Variants in SUPT3H observed in about 807,000 individuals in gnomAD.
SUPT3H encodes the protein transcription initiation protein SPT3 homolog.
Under a neutral mutation model 44.3 loss-of-function variants are expected in SUPT3H, and 44 were observed. That is an observed-to-expected ratio of 0.99 (90% CI 0.78 to 1.28). SUPT3H has a LOEUF of 1.28. Among genes scored for constraint, SUPT3H ranks in the 50% most tolerant of loss-of-function variants. The probability of loss-of-function intolerance (pLI) is 0.00; values close to 1 mark genes in which losing one functional copy is unlikely to be tolerated. For missense variants in SUPT3H, 380 were observed against 387.1 expected (o/e 0.98, Z 0.15); for synonymous variants, 124 against 125.6 (o/e 0.99, Z 0.09).
At chr6:45,303,685 A>G (rs981541392) in intron 2 of SUPT3H, among the ~76,000 whole-genome samples, 2 of 150,918 alleles carry the variant, frequency 1.3e-5, no homozygotes, top group Admixed American at 6.6e-5. Context: ...AAAAAAAAAA[A>G]AAAAAAAGAA....
chr6:44,870,919 C>G (rs906814965), intron 10 of SUPT3H, among the ~76,000 whole-genome samples: 1 of 151,630 alleles, frequency 6.6e-6, no homozygotes, highest in Non-Finnish European at 1.5e-5. Flanking sequence ...CACTCCCACC[C>G]GAATATTGCG....
intron 3 of SUPT3H, among the ~76,000 whole-genome samples, chr6:45,030,183 C>G (rs898030631): frequency 6.6e-6 from 1 of 152,084 alleles, no homozygotes; most frequent in Admixed American, 6.6e-5. Context: ...TGAATTTGTT[C>G]AACATAATAT....
At chr6:45,098,546 A>G in intron 3 of SUPT3H, 2 of 284,868 alleles carry the variant, frequency 7.0e-6, no homozygotes, top group South Asian at 8.8e-5. Flanking sequence ...AGTATAAGAG[A>G]GGAGAGGAAC....
intron 4 of SUPT3H, among the ~76,000 whole-genome samples, chr6:45,020,246 A>C (rs1170820749): frequency 6.6e-6 from 1 of 152,028 alleles, no homozygotes; most frequent in African/African-American, 2.4e-5. Context: ...CACTTATGAC[A>C]ACAGAACATA....
intron 2 of SUPT3H, among the ~76,000 whole-genome samples, chr6:45,184,126 A>C (rs115487022): frequency 6.6e-6 from 1 of 152,212 alleles, no homozygotes; most frequent in African/African-American, 2.4e-5. Context: ...GAGTACATGG[A>C]AACACTCTAT....
In SUPT3H at chr6:45,345,752, C is replaced by T. The variant is rs186760121; in HGVS notation, c.101+19449G>A. Among the ~76,000 whole-genome samples, 323 of 152,176 alleles carry T rather than the reference C, an allele frequency of 2.1e-3. 1 individual carries two copies. Among genetic ancestry groups the T allele is most frequent in the African/African-American group, 7.4e-3 (308 of 41,530 alleles). On this transcript the variant is annotated intron_variant, in intron 2 of 10. Coordinates refer to ENST00000371459, the MANE Select transcript of SUPT3H (RefSeq NM_003599.4). ...CTTCTTAATGAGTATCAATGCACACCGTACCTTTATCTTTCAAACATTTTT... is the reference window on the plus strand; with the variant it reads ...CTTCTTAATGAGTATCAATGCACACTGTACCTTTATCTTTCAAACATTTTT...
chr6:45,019,083 T>TATC lies in SUPT3H; in HGVS notation c.273+1460_273+1462dup, dbSNP rs1784733038. ...TTCCTGGTTTAGTCTTGGGAGAGTG[T>TATC]ATCTGTCAAGGAATTTATCCATTTC... On this transcript the variant is annotated intron_variant, in intron 4 of 10. Transcript: ENST00000371459. 2.6e-5 allele frequency among the ~76,000 whole-genome samples: 4 copies of TATC among 152,322 alleles called. No individual in the cohort carries two copies. In the South Asian group the frequency reaches 8.3e-4, roughly 32 times the overall value.
chr6:44,864,253 G>A (rs966460616), intron 10 of SUPT3H, among the ~76,000 whole-genome samples: 1 of 152,160 alleles, frequency 6.6e-6, no homozygotes, highest in Non-Finnish European at 1.5e-5. Flanking sequence ...GAAGGTACAG[G>A]CATTGGGTAA....
chr6:44,943,457 T>C (rs1334866128), intron 9 of SUPT3H, among the ~76,000 whole-genome samples: 1 of 152,012 alleles, frequency 6.6e-6, no homozygotes, highest in Non-Finnish European at 1.5e-5. Context: ...CAGAAAAAAA[T>C]CTGAAGAAAT....
intron 10 of SUPT3H, among the ~76,000 whole-genome samples, chr6:44,889,016 A>G (rs1762817136): frequency 6.8e-6 from 1 of 146,950 alleles, no homozygotes. Flanking sequence ...CCCATGCACA[A>G]TTGCTTCAAA....
intron 10 of SUPT3H, among the ~76,000 whole-genome samples, chr6:44,889,948 C>CAAA (rs1554149938): frequency 2.7e-5 from 4 of 147,808 alleles, no homozygotes; most frequent in Admixed American, 6.7e-5. Flanking sequence ...AAAAAGTGGG[C>CAAA]GGACATGAAC....
intron 9 of SUPT3H, among the ~76,000 whole-genome samples, chr6:44,938,431 A>G (rs1771853524): frequency 6.6e-6 from 1 of 152,088 alleles, no homozygotes; most frequent in African/African-American, 2.4e-5. Flanking sequence ...CCATTGACCT[A>G]TGTGTCTATT....
chr6:44,999,911 C>G (rs1024434681), intron 6 of SUPT3H, among the ~76,000 whole-genome samples: 1 of 151,830 alleles, frequency 6.6e-6, no homozygotes, highest in African/African-American at 2.4e-5. Context: ...TACTGTAACC[C>G]CCAGTATTAC....
At chr6:45,172,216 G>C (rs886226483) in intron 2 of SUPT3H, among the ~76,000 whole-genome samples, 2 of 151,274 alleles carry the variant, frequency 1.3e-5, no homozygotes, top group Admixed American at 6.6e-5. Context: ...GGGACTATAG[G>C]CTCACGCTAC....
chr6:45,143,072 A>G (rs1376609560), intron 2 of SUPT3H, among the ~76,000 whole-genome samples: 2 of 152,128 alleles, frequency 1.3e-5, no homozygotes, highest in South Asian at 2.1e-4. Flanking sequence ...AATTACTACT[A>G]GACCTAAGAA....
rs183486473 is a variant in SUPT3H at position 45,307,053 on chromosome 6, C to T, written c.101+58148G>A. Among the ~76,000 whole-genome samples, 10 of 152,308 alleles carry T rather than the reference C, an allele frequency of 6.6e-5. 1 individual carries two copies. Among genetic ancestry groups the T allele is most frequent in the African/African-American group, 1.7e-4 (7 of 41,576 alleles). On this transcript the variant is annotated intron_variant, in intron 2 of 10. Transcript: ENST00000371459. Reference sequence around the variant, plus strand: ...AGCTGTCTGAGATCAAACTGCAAGGCGGCAGCAAGGCTGGGGGAGGGGTGC... The same window carrying T: ...AGCTGTCTGAGATCAAACTGCAAGGTGGCAGCAAGGCTGGGGGAGGGGTGC...
intron 2 of SUPT3H, among the ~76,000 whole-genome samples, chr6:45,267,070 G>A (rs1775374652): frequency 6.6e-6 from 1 of 151,908 alleles, no homozygotes; most frequent in African/African-American, 2.4e-5. Flanking sequence ...TTTAGACTTG[G>A]GTCCCATCCT....
At chr6:44,965,427 AT>A (rs1776637856) in intron 6 of SUPT3H, among the ~76,000 whole-genome samples, 1 of 152,204 alleles carries the variant, frequency 6.6e-6, no homozygotes, top group Admixed American at 6.5e-5. Context: ...TGAATATTAT[AT>A]GATATAACAC....
intron 4 of SUPT3H, among the ~76,000 whole-genome samples, 179 bp downstream of exon 4, chr6:45,020,367 A>G (rs934830678): frequency 6.6e-6 from 1 of 151,996 alleles, no homozygotes; most frequent in Non-Finnish European, 1.5e-5. Context: ...TTTTGTCCAC[A>G]TAATAAATAT....
Sources: gnomAD v4.1 joint callset for allele counts (sites outside exome capture counted in the v4.1 genomes callset) on GRCh38, gnomAD v4.1.1 for gene constraint, MANE v1.5 for transcripts, NCBI Gene and HGNC (gene_info 2026-07-23, HGNC 2026-07-21) for gene names.